Variants in GATC observed in about 807,000 individuals in gnomAD.
GATC encodes the protein glutamyl-tRNA(Gln) amidotransferase subunit C, mitochondrial.
Under a neutral mutation model 14.4 loss-of-function variants are expected in GATC, and 11 were observed. The observed-to-expected ratio is 0.77, with a 90% CI of 0.48 to 1.27. The LOEUF (loss-of-function observed/expected upper bound fraction) is 1.27, where lower values mean the gene tolerates loss of function less well. Ranked by LOEUF, GATC falls within the 50% of genes most tolerant of loss-of-function variation. The pLI is 0.00. For synonymous variants in GATC, 76 were observed against 79.3 expected, an observed-to-expected ratio of 0.96 and a Z score of 0.22; for missense variants, 204 against 183.0, an observed-to-expected ratio of 1.11 and a Z score of -0.66.
rs1878232287 is a variant in GATC at position 120,457,977 on chromosome 12, G to A, written c.358+798G>A. Among the ~76,000 whole-genome samples the A allele has an allele frequency of 2.0e-5, 3 of 152,142 alleles. No homozygotes were observed. The South Asian group carries it at 6.2e-4, about 32-fold the overall frequency. On this transcript the variant is annotated intron_variant, in intron 3 of 3. Transcript: ENST00000551765. The stretch of plus-strand genomic sequence containing the variant: ...CAAACGCCATTAGGGTCTGCCCTCA[G>A]TCTGTGCCCATTCAAAGCAGGAGGA...
At position 120,461,927 on chromosome 12, in the gene GATC, A is replaced by G; in HGVS notation, c.*1968A>G. The stretch of plus-strand genomic sequence containing the variant: ...AAAAAAAAAATTAAAAAAATTTCCT[A>G]AGACACTAAATCCTCAATCTGGAAT... On this transcript the variant is annotated 3_prime_UTR_variant, in exon 4 of 4. Transcript: ENST00000551765. 1 of 1,292,182 alleles carries G rather than the reference A, an allele frequency of 7.7e-7. No homozygotes were observed. Among genetic ancestry groups the G allele is most frequent in the Non-Finnish European group, 1.0e-6 (1 of 988,126 alleles). The allele number at this position is 1,292,182 out of a possible 1,614,324, so 80.0% of individuals were successfully genotyped here.
chr12:120,453,528 G>A (rs1280248145), intron 2 of GATC, among the ~76,000 whole-genome samples: 1 of 152,116 alleles, frequency 6.6e-6, no homozygotes, highest in Non-Finnish European at 1.5e-5. Flanking sequence ...AAAGACAGGT[G>A]GTGAGGTAGA....
At chr12:120,454,941 G>T (rs1311534299) in intron 2 of GATC, 4 of 435,528 alleles carry the variant, frequency 9.2e-6, no homozygotes, top group African/African-American at 6.0e-5. Flanking sequence ...AGGTTGGAGT[G>T]CAGTGGTGTG....
intron 2 of GATC, 75 bp from the exon 3 acceptor site, chr12:120,457,001 C>T (rs933243120): frequency 2.0e-5 from 18 of 911,162 alleles, no homozygotes; most frequent in Admixed American, 1.6e-4. Flanking sequence ...TTGTTCTCTC[C>T]TTCTTGCCCC....
At chr12:120,459,408 G>C (rs1878267547) in intron 3 of GATC, among the ~76,000 whole-genome samples, 1 of 152,164 alleles carries the variant, frequency 6.6e-6, no homozygotes, top group Admixed American at 6.5e-5. Context: ...ACTCCTTACT[G>C]AAAAAGGTGA....
chr12:120,452,914 T>G (rs1878090035), intron 2 of GATC, among the ~76,000 whole-genome samples: 1 of 152,072 alleles, frequency 6.6e-6, no homozygotes, highest in Non-Finnish European at 1.5e-5. Flanking sequence ...CAGGCTGGTC[T>G]TGAACTCCTG....
At chr12:120,449,662 G>C (rs539157274) in intron 2 of GATC, among the ~76,000 whole-genome samples, 6 of 152,052 alleles carry the variant, frequency 3.9e-5, no homozygotes. Flanking sequence ...GGCAAGGCTC[G>C]TCTTGAACTC....
At chr12:120,451,050 A>C (rs1878028322) in intron 2 of GATC, among the ~76,000 whole-genome samples, 1 of 150,452 alleles carries the variant, frequency 6.6e-6, no homozygotes, top group Non-Finnish European at 1.5e-5. Context: ...AGGCTGAGGC[A>C]GGAGAATTGC....
chr12:120,452,120 G>A (rs904037096), intron 2 of GATC, among the ~76,000 whole-genome samples: 16 of 151,944 alleles, frequency 1.1e-4, no homozygotes, highest in African/African-American at 2.9e-4. Context: ...CAGGTCATCC[G>A]CCTGCCCTGG....
rs1009712233 is a variant in GATC at position 120,463,723 on chromosome 12, G to A, written c.*3764G>A. On this transcript the variant is annotated 3_prime_UTR_variant, in exon 4 of 4. Transcript: ENST00000551765. Reference sequence around the variant, plus strand: ...AAACTGTGTAATGTGATACTAATATGCAGAATAAAGCATATTAAAAAACAA... The same window carrying A: ...AAACTGTGTAATGTGATACTAATATACAGAATAAAGCATATTAAAAAACAA... The A allele has an allele frequency of 2.6e-5, 12 of 454,476 alleles. No individual in the cohort carries two copies. The highest frequency in any genetic ancestry group is 4.3e-5 in the Non-Finnish European group (11 of 257,822). The allele number at this position is 454,476 out of a possible 1,614,324, so 28.2% of individuals were successfully genotyped here.
At position 120,446,845 on chromosome 12, in the gene GATC, C is replaced by T. The variant is rs1216634560; in HGVS notation, c.254+16C>T. 6.3e-7 allele frequency: 1 copy of T among 1,580,648 alleles called. No homozygotes were observed. The highest frequency in any genetic ancestry group is 1.1e-5 in the South Asian group (1 of 88,000). Reference sequence around the variant, plus strand: ...TGGAGGACAGGTAAACTCGCGGCTGCAGCCCCGAAGCCTTGACCGTGGCCC... The same window carrying T: ...TGGAGGACAGGTAAACTCGCGGCTGTAGCCCCGAAGCCTTGACCGTGGCCC... On this transcript the variant is annotated intron_variant, in intron 2 of 3. Transcript: ENST00000551765.
At chr12:120,453,574 T>C (rs1309078365) in intron 2 of GATC, among the ~76,000 whole-genome samples, 1 of 152,162 alleles carries the variant, frequency 6.6e-6, no homozygotes, top group African/African-American at 2.4e-5. Context: ...GAAAAGCTCA[T>C]CTGGTCCTGT....
intron 2 of GATC, among the ~76,000 whole-genome samples, chr12:120,456,640 C>T (rs1210199079): frequency 6.6e-6 from 1 of 152,190 alleles, no homozygotes; most frequent in East Asian, 1.9e-4. Context: ...CCTTCATCCC[C>T]CAATCCAGCT....
chr12:120,454,963 C>T lies in GATC; in HGVS notation c.255-2113C>T, dbSNP rs969309730. 19 of 452,182 alleles carry T rather than the reference C, an allele frequency of 4.2e-5. No homozygotes were observed. In the East Asian group the frequency reaches 1.3e-3, roughly 30 times the overall value. 28.0% of individuals were successfully genotyped at this position (452,182 alleles called of 1,614,324 possible). ...AGTGCAGTGGTGTGATCTCCGCTCA[C>T]TACAAACTCTGCTTCCTACATTCAA... On this transcript the variant is annotated intron_variant, in intron 2 of 3. Coordinates refer to ENST00000551765, the MANE Select transcript of GATC (RefSeq NM_176818.3).
chr12:120,454,139 C>T (rs1185902738), intron 2 of GATC, among the ~76,000 whole-genome samples: 2 of 152,142 alleles, frequency 1.3e-5, no homozygotes, highest in African/African-American at 2.4e-5. Context: ...CCTTCAGATG[C>T]TAGGCAGGTT....
intron 2 of GATC, among the ~76,000 whole-genome samples, chr12:120,449,953 G>C (rs888796004): frequency 2.6e-5 from 4 of 151,744 alleles, no homozygotes; most frequent in African/African-American, 9.7e-5. Flanking sequence ...GTAGAGACAG[G>C]GTTTCTCCAT....
At chr12:120,454,896 G>A (rs1467670929) in intron 2 of GATC, 10 of 310,848 alleles carry the variant, frequency 3.2e-5, no homozygotes, top group Non-Finnish European at 6.9e-5. Context: ...TCTTTTGTGT[G>A]TGTGTGTGTG....
chr12:120,452,959 G>A (rs1231046870), intron 2 of GATC, among the ~76,000 whole-genome samples: 3 of 152,148 alleles, frequency 2.0e-5, no homozygotes, highest in Non-Finnish European at 4.4e-5. Context: ...GCCTCCTGAA[G>A]TGTTGGGAAT....
Position 120,462,079 on chromosome 12 carries a change from A to G in GATC, c.*2120A>G. ...AACCCCTGCTTTGGTATGGAGAGTC[A>G]CGGCCCCTTGACCCAGACCGAGACC... is the stretch of plus-strand genomic sequence containing the variant. On this transcript the variant is annotated 3_prime_UTR_variant, in exon 4 of 4. Transcript: ENST00000551765. 6.2e-7 allele frequency: 1 copy of G among 1,612,346 alleles called. No homozygotes were observed. Among genetic ancestry groups the G allele is most frequent in the Non-Finnish European group, 8.5e-7 (1 of 1,179,952 alleles).
Sources: allele counts gnomAD v4.1 joint callset (sites outside exome capture counted in the v4.1 genomes callset), GRCh38; gene constraint gnomAD v4.1.1; transcripts MANE v1.5; gene names NCBI Gene and HGNC (gene_info 2026-07-23, HGNC 2026-07-21).